Variants in SYNPR observed in about 807,000 individuals in gnomAD.
SYNPR encodes the protein synaptoporin.
A neutral mutation model predicts 32.9 loss-of-function variants in SYNPR; 23 were observed. The observed-to-expected ratio is 0.70, with a 90% CI of 0.50 to 0.99. SYNPR has a LOEUF of 0.99. Among genes scored for constraint, SYNPR ranks in the 50% least tolerant of loss-of-function variants. The probability of loss-of-function intolerance (pLI) is 0.00; values close to 1 mark genes in which losing one functional copy is unlikely to be tolerated. For missense variants in SYNPR, 318 were observed against 349.3 expected (o/e 0.91, Z 0.71); for synonymous variants, 146 against 135.9 (o/e 1.07, Z -0.52).
At chr3:63,457,873 C>T (rs1044563909) in intron 2 of SYNPR, among the ~76,000 whole-genome samples, 1 of 152,066 alleles carries the variant, frequency 6.6e-6, no homozygotes, top group Admixed American at 6.6e-5. Flanking sequence ...TTGGGTGATG[C>T]TTTGGATATT....
intron 2 of SYNPR, among the ~76,000 whole-genome samples, chr3:63,387,076 T>C (rs1394822788): frequency 2.6e-5 from 4 of 152,208 alleles, no homozygotes; most frequent in Non-Finnish European, 4.4e-5. Flanking sequence ...TAATAGATGA[T>C]ACAATGTTTC....
chr3:63,443,306 G>C, intron 2 of SYNPR: 2 of 1,488,022 alleles, frequency 1.3e-6, no homozygotes, highest in Non-Finnish European at 1.8e-6. Context: ...CCTCTGCATT[G>C]ATTTTCTTCT....
intron 5 of SYNPR, among the ~76,000 whole-genome samples, chr3:63,614,734 A>G (rs1350794038): frequency 6.6e-6 from 1 of 152,220 alleles, no homozygotes; most frequent in Admixed American, 6.5e-5. Flanking sequence ...CCATAAAGAG[A>G]AGATAGCCTT....
chr3:63,314,406 C>T (rs1213789385), intron 2 of SYNPR, among the ~76,000 whole-genome samples: 1 of 151,662 alleles, frequency 6.6e-6, no homozygotes, highest in Non-Finnish European at 1.5e-5. Flanking sequence ...TTGATTATGG[C>T]CATTCTTGCA....
intron 3 of SYNPR, among the ~76,000 whole-genome samples, chr3:63,504,239 T>C (rs1480206327): frequency 6.6e-6 from 1 of 152,182 alleles, no homozygotes; most frequent in Non-Finnish European, 1.5e-5. Flanking sequence ...TTAGGAGCCC[T>C]GGTAAGCTAA....
intron 2 of SYNPR, among the ~76,000 whole-genome samples, chr3:63,339,739 C>T (rs2087340174): frequency 6.6e-6 from 1 of 151,792 alleles, no homozygotes; most frequent in Non-Finnish European, 1.5e-5. Context: ...CTCGCGTCAA[C>T]CTCCACTTCA....
rs1177437030 is a variant in SYNPR at position 63,480,721 on chromosome 3, CAGA to C, written c.85-108_85-106del. 6 of 1,389,722 alleles carry C rather than the reference CAGA, an allele frequency of 4.3e-6. No homozygotes were observed. The East Asian group carries it at 1.5e-4, about 34-fold the overall frequency. 86.1% of individuals were successfully genotyped at this position (1,389,722 alleles called of 1,614,324 possible). A position where few individuals can be genotyped will look rare whatever the true frequency, so the allele number is the denominator to read the frequency against. On this transcript the variant is annotated intron_variant, in intron 2 of 5. Coordinates refer to ENST00000478300, the MANE Select transcript of SYNPR (RefSeq NM_001130003.2). ...CTGAACCAAGGGCAATGCTCTTCTT[CAGA>C]AGGACCATAAATTCCCTCAATCCAG...
At chr3:63,553,111 C>T (rs1243957478) in intron 3 of SYNPR, among the ~76,000 whole-genome samples, 1 of 152,278 alleles carries the variant, frequency 6.6e-6, no homozygotes, top group East Asian at 1.9e-4. Context: ...CTCTAGTACT[C>T]CACAGTGTCT....
At chr3:63,418,358 A>G (rs1320540836) in intron 2 of SYNPR, among the ~76,000 whole-genome samples, 4 of 152,118 alleles carry the variant, frequency 2.6e-5, no homozygotes, top group African/African-American at 9.7e-5. Flanking sequence ...CCATTCAACA[A>G]GTCTCTAGGA....
chr3:63,370,691 A>G (rs531660264), intron 2 of SYNPR, among the ~76,000 whole-genome samples: 95 of 152,322 alleles, frequency 6.2e-4, no homozygotes, highest in Non-Finnish European at 1.1e-3. Flanking sequence ...GTGGGTTACA[A>G]AATAATATCT....
At chr3:63,419,326 CAA>C (rs1471410545) in intron 2 of SYNPR, among the ~76,000 whole-genome samples, 1 of 152,144 alleles carries the variant, frequency 6.6e-6, no homozygotes, top group Non-Finnish European at 1.5e-5. Context: ...TAGGACCAGA[CAA>C]ACTCTAATAT....
At chr3:63,547,303 C>G (rs1702425121) in intron 3 of SYNPR, among the ~76,000 whole-genome samples, 1 of 152,052 alleles carries the variant, frequency 6.6e-6, no homozygotes, top group Admixed American at 6.6e-5. Context: ...ACTTAAGCAA[C>G]CTGAGTCCAA....
chr3:63,452,249 G>A, intron 2 of SYNPR: 2 of 533,380 alleles, frequency 3.7e-6, no homozygotes, highest in South Asian at 5.7e-5. Flanking sequence ...AAACAAACAT[G>A]GTCTCACGTA....
intron 1 of SYNPR, among the ~76,000 whole-genome samples, chr3:63,251,781 AAGG>A (rs1560168671): frequency 1.3e-5 from 2 of 151,866 alleles, no homozygotes; most frequent in African/African-American, 2.4e-5. Context: ...GACAACAACC[AAGG>A]AGAAGATGCC....
At chr3:63,404,931 A>G (rs1293476964) in intron 2 of SYNPR, among the ~76,000 whole-genome samples, 1 of 152,176 alleles carries the variant, frequency 6.6e-6, no homozygotes, top group African/African-American at 2.4e-5. Context: ...CACTAACTCT[A>G]TGTAGTCAGA....
At chr3:63,529,729 A>G (rs1282400881) in intron 3 of SYNPR, among the ~76,000 whole-genome samples, 1 of 152,244 alleles carries the variant, frequency 6.6e-6, no homozygotes, top group Non-Finnish European at 1.5e-5. Flanking sequence ...ATTTAAACTC[A>G]AGGGATTGGA....
intron 2 of SYNPR, among the ~76,000 whole-genome samples, chr3:63,453,653 A>AATGGG (rs1449160356): frequency 6.6e-6 from 1 of 152,134 alleles, no homozygotes; most frequent in Admixed American, 6.6e-5. Context: ...CTGACACTGG[A>AATGGG]ATGGGTACTT....
At chr3:63,250,629 A>C (rs1367046827) in intron 1 of SYNPR, among the ~76,000 whole-genome samples, 1 of 152,092 alleles carries the variant, frequency 6.6e-6, no homozygotes, top group African/African-American at 2.4e-5. Context: ...TACACAAAAC[A>C]TTTTCTTTAA....
At chr3:63,498,116 T>G (rs745467806) in intron 3 of SYNPR, among the ~76,000 whole-genome samples, 13 of 152,176 alleles carry the variant, frequency 8.5e-5, no homozygotes, top group Non-Finnish European at 1.3e-4. Flanking sequence ...CTGTGTCAAG[T>G]GTGTAACCAG....
Sources: gnomAD v4.1 joint callset for allele counts (sites outside exome capture counted in the v4.1 genomes callset) on GRCh38, gnomAD v4.1.1 for gene constraint, MANE v1.5 for transcripts, NCBI Gene and HGNC (gene_info 2026-07-23, HGNC 2026-07-21) for gene names.